The following HMCN2 variants were observed in gnomAD, a reference collection of about 807,000 sequenced individuals.
The protein encoded by HMCN2 is hemicentin-2.
In HMCN2, 325 loss-of-function variants were observed where a neutral mutation model predicts 377.5. The observed-to-expected ratio is 0.86, with a 90% CI of 0.79 to 0.94. The LOEUF is 0.94. Ranked by LOEUF, HMCN2 falls within the 40% of genes least tolerant of loss-of-function variation. The pLI is 0.00. For synonymous variants in HMCN2, 2,007 were observed against 2,046.8 expected, an observed-to-expected ratio of 0.98 and a Z score of 0.53; for missense variants, 4,543 against 4,725.3, an observed-to-expected ratio of 0.96 and a Z score of 1.13.
chr9:130,283,391 G>C (rs892159384), intron 1 of HMCN2, among the ~76,000 whole-genome samples: 1 of 151,870 alleles, frequency 6.6e-6, no homozygotes, highest in Non-Finnish European at 1.5e-5. Context: ...CGTCATTCTC[G>C]TCTTGTCTGT....
rs199552416 is a variant in HMCN2, at chr9:130,360,751, A to ACCATCCATCCAT, written c.5950+174_5950+185dup. 129 of 282,484 alleles carry ACCATCCATCCAT rather than the reference A, an allele frequency of 4.6e-4. No individual in the cohort carries two copies. The highest frequency in any genetic ancestry group is 2.9e-3 in the African/African-American group (121 of 42,104). The allele number at this position is 282,484 out of a possible 1,614,324, so 17.5% of individuals were successfully genotyped here. Reference sequence around the variant, plus strand: ...ACCCCATCCATCCATCATCCATCCAACCATCCATCCATCCATCCATCCATC... The same window carrying ACCATCCATCCAT: ...ACCCCATCCATCCATCATCCATCCAACCATCCATCCATCCATCCATCCATCCATCCATCCATC... On this transcript the variant is annotated intron_variant, in intron 38 of 97. Transcript: ENST00000683500. This position sits in a 1 kb window ranked among gnomAD's most constrained non-coding sequence, Gnocchi z 4.7.
intron 92 of HMCN2, 40 bp downstream of exon 92, chr9:130,427,659 C>T: frequency 6.5e-7 from 1 of 1,531,150 alleles, no homozygotes; most frequent in Non-Finnish European, 8.8e-7. Context: ...ACGCGCTCCT[C>T]AGACCTGACC....
At position 130,432,364 on chromosome 9, in the gene HMCN2, T is replaced by TC. The variant is rs1409072052; in HGVS notation, c.14768-59dup. 11 of 1,487,206 alleles carry TC rather than the reference T, an allele frequency of 7.4e-6. 1 individual carries two copies. In the Middle Eastern group the frequency reaches 6.8e-4, roughly 92 times the overall value. 92.1% of individuals were successfully genotyped at this position (1,487,206 alleles called of 1,614,324 possible). ...CCCAAAGGTACTTCTCCCCACGCAC[T>TC]CCCCCCTTCTCCTTTGCTCCATCTT... is the stretch of plus-strand genomic sequence containing the variant. On this transcript the variant is annotated intron_variant, in intron 96 of 97. Coordinates refer to ENST00000683500, the MANE Select transcript of HMCN2 (RefSeq NM_001291815.2).
chr9:130,277,844 T>C (rs376949246), intron 1 of HMCN2, among the ~76,000 whole-genome samples: 287 of 7,574 alleles, frequency 0.038, 19 homozygotes, highest in East Asian at 0.096. Flanking sequence ...ATCATCATCA[T>C]CACCACCACC....
chr9:130,322,383 TATCC>T (rs1837906424), intron 19 of HMCN2, among the ~76,000 whole-genome samples: 7 of 152,168 alleles, frequency 4.6e-5, no homozygotes, highest in Non-Finnish European at 1.0e-4. Context: ...TCTATCTATC[TATCC>T]ATCTAATCTA....
At chr9:130,302,152 A>G (rs1836550865) in intron 8 of HMCN2, among the ~76,000 whole-genome samples, 1 of 151,792 alleles carries the variant, frequency 6.6e-6, no homozygotes, top group Non-Finnish European at 1.5e-5. Flanking sequence ...AGTTCAAGCA[A>G]TTCTCCTGCC....
At chr9:130,370,057 C>A (rs532430165) in intron 45 of HMCN2, among the ~76,000 whole-genome samples, 2 of 150,204 alleles carry the variant, frequency 1.3e-5, no homozygotes, top group African/African-American at 4.9e-5. Flanking sequence ...GCCCCAATTT[C>A]CCCCAATTCG....
chr9:130,339,686 T>TA (rs1838947345), intron 23 of HMCN2, among the ~76,000 whole-genome samples: 1 of 152,218 alleles, frequency 6.6e-6, no homozygotes, highest in Non-Finnish European at 1.5e-5. Flanking sequence ...TGGAAGCTGT[T>TA]ATTGTTTTCA....
In HMCN2 at chr9:130,423,538, C is replaced by T. The variant is rs1844136697; in HGVS notation, c.13381+812C>T. On this transcript the variant is annotated intron_variant, in intron 87 of 97. Transcript: ENST00000683500. This position sits in a 1 kb window ranked among gnomAD's most constrained non-coding sequence, Gnocchi z 5.5. ...TGTGAGGCCTGGAGAAGCATCTGGC[C>T]CCAAGCCCGTGGACCAGGCTTTGTT... 6.6e-6 allele frequency among the ~76,000 whole-genome samples: 1 copy of T among 152,200 alleles called. No individual in the cohort carries two copies. The highest frequency in any genetic ancestry group is 1.5e-5 in the Non-Finnish European group (1 of 68,040).
intron 88 of HMCN2, 25 bp from the exon 89 acceptor site, chr9:130,424,984 T>C: frequency 1.3e-6 from 2 of 1,528,658 alleles, no homozygotes; most frequent in Non-Finnish European, 1.8e-6. Flanking sequence ...GTGGTGACTC[T>C]GGGCTGGGTG....
chr9:130,307,979 A>G (rs1490269679), intron 14 of HMCN2, among the ~76,000 whole-genome samples: 5 of 152,080 alleles, frequency 3.3e-5, no homozygotes, highest in African/African-American at 1.2e-4. Flanking sequence ...TTTTTGAGAC[A>G]AGAGTCTCAC....
intron 21 of HMCN2, among the ~76,000 whole-genome samples, chr9:130,326,462 G>A (rs1009701588): frequency 4.6e-5 from 7 of 152,156 alleles, no homozygotes; most frequent in East Asian, 3.9e-4. Context: ...TGTCTCCTTC[G>A]CTGCCGTCCG....
At chr9:130,425,362 T>C (rs1844270234) in intron 89 of HMCN2, among the ~76,000 whole-genome samples, 1 of 152,060 alleles carries the variant, frequency 6.6e-6, no homozygotes, top group Admixed American at 6.5e-5. Context: ...GTATTCTTGT[T>C]CAAAAGCACG....
chr9:130,402,875 C>T lies in HMCN2; in HGVS notation c.11857C>T (p.His3953Tyr). 7.8e-7 allele frequency: 1 copy of T among 1,289,730 alleles called. No individual in the cohort carries two copies. The highest frequency in any genetic ancestry group is 1.0e-6 in the Non-Finnish European group (1 of 988,852). 79.9% of individuals were successfully genotyped at this position (1,289,730 alleles called of 1,614,324 possible). Reference protein sequence around the residue: ...ARNSAGVAHKHVFLTVQASPV... With the variant: ...ARNSAGVAHKYVFLTVQASPV... ...CAACTCTGCCGGCGTAGCCCACAAG[C>T]ACGTCTTCCTCACTGTGCAAGGTAA... The change falls in exon 78 of 98, where the codon CAC (histidine) becomes TAC (tyrosine). Residue 3953 changes from histidine to tyrosine, a missense_variant. Coordinates refer to ENST00000683500, the MANE Select transcript of HMCN2 (RefSeq NM_001291815.2).
chr9:130,369,928 G>C lies in HMCN2; in HGVS notation c.7069+77G>C, dbSNP rs768827078. The C allele has an allele frequency of 3.5e-6, 3 of 860,928 alleles. No individual in the cohort carries two copies. Among genetic ancestry groups the C allele is most frequent in the African/African-American group, 1.8e-5 (1 of 54,806 alleles). 53.3% of individuals were successfully genotyped at this position (860,928 alleles called of 1,614,324 possible). A position where few individuals can be genotyped will look rare whatever the true frequency, so the allele number is the denominator to read the frequency against. On this transcript the variant is annotated intron_variant, in intron 45 of 97. Transcript: ENST00000683500. The surrounding 1 kb of genome is among the most constrained non-coding windows in gnomAD (Gnocchi z 4.5). ...CAAGGTGGGTTCAATCTCCAGGCAC[G>C]GCCCTCAGGCTGTGATCCTGGGGTC...
At chr9:130,335,669 T>C (rs1395780118) in intron 22 of HMCN2, among the ~76,000 whole-genome samples, 12 of 152,094 alleles carry the variant, frequency 7.9e-5, no homozygotes, top group Non-Finnish European at 1.5e-4. Flanking sequence ...GTGTGTGTGA[T>C]ATCAGTTCAC....
chr9:130,418,758 TG>T lies in HMCN2; in HGVS notation c.12962-11del. 7.2e-7 allele frequency: 1 copy of T among 1,396,362 alleles called. No individual in the cohort carries two copies. The highest frequency in any genetic ancestry group is 9.4e-7 in the Non-Finnish European group (1 of 1,066,552). 86.5% of individuals were successfully genotyped at this position (1,396,362 alleles called of 1,614,324 possible). On this transcript the variant is annotated splice_polypyrimidine_tract_variant and intron_variant, in intron 85 of 97. Transcript: ENST00000683500. ...TAATTAAATGTTCCTAAAAGCCACC[TG>T]GGCCTCCCACAGGTGCTCCGGTGTT...
intron 13 of HMCN2, 125 bp from the exon 14 acceptor site, chr9:130,307,328 C>G: frequency 4.6e-6 from 2 of 437,490 alleles, no homozygotes; most frequent in South Asian, 3.4e-5. Context: ...CTGGGGTGCT[C>G]CAGGGGCAGC....
chr9:130,398,153 C>CAAAAAA (rs397940740), intron 74 of HMCN2, among the ~76,000 whole-genome samples: 32 of 33,844 alleles, frequency 9.5e-4, no homozygotes, highest in African/African-American at 1.7e-3. Flanking sequence ...ACTCCGTCTA[C>CAAAAAA]AAAAAAAAAA....
Sources: allele counts gnomAD v4.1 joint callset (sites outside exome capture counted in the v4.1 genomes callset), GRCh38; gene constraint gnomAD v4.1.1; non-coding constraint Gnocchi (gnomAD v3.1); transcripts MANE v1.5; gene names NCBI Gene and HGNC (gene_info 2026-07-23, HGNC 2026-07-21).